TULP4: variants seen among roughly 807,000 people sequenced by gnomAD.
TULP4 encodes TUB like protein 4.
In TULP4, 16 loss-of-function variants were observed where a neutral mutation model predicts 129.0. The ratio of observed to expected loss-of-function variants is 0.12; its 90% CI spans 0.08 to 0.19. The LOEUF (loss-of-function observed/expected upper bound fraction) is 0.19, where lower values mean the gene tolerates loss of function less well. TULP4 is among the 10% of genes least tolerant of loss of function. The pLI, the probability that TULP4 is intolerant of heterozygous loss-of-function variation, is 1.00. For missense variants in TULP4, 1,842 were observed against 2,059.1 expected (o/e 0.89, Z 2.04); for synonymous variants, 998 against 854.0 (o/e 1.17, Z -2.94).
chr6:158,420,596 C>T (rs1286099231), intron 2 of TULP4, among the ~76,000 whole-genome samples: 7 of 152,192 alleles, frequency 4.6e-5, no homozygotes, highest in African/African-American at 1.7e-4. Context: ...ATTCTCCTGT[C>T]TCAGCCTCCA....
At chr6:158,401,918 C>G (rs1215622696) in intron 1 of TULP4, among the ~76,000 whole-genome samples, 1 of 151,866 alleles carries the variant, frequency 6.6e-6, no homozygotes, top group African/African-American at 2.4e-5. Context: ...GAAAATTAAA[C>G]AGTCAAAACC....
chr6:158,399,271 A>G (rs956712197), intron 1 of TULP4, among the ~76,000 whole-genome samples: 2 of 152,234 alleles, frequency 1.3e-5, no homozygotes, highest in African/African-American at 4.8e-5. Flanking sequence ...CAGATGCTGA[A>G]CAGCTAATCC....
At chr6:158,448,371 G>A (rs1228808189) in intron 3 of TULP4, among the ~76,000 whole-genome samples, 2 of 152,164 alleles carry the variant, frequency 1.3e-5, no homozygotes, top group South Asian at 2.1e-4. Context: ...ATAGTGTTTA[G>A]TGCAAAGTAA....
chr6:158,369,637 C>T (rs1309375674), intron 1 of TULP4, among the ~76,000 whole-genome samples: 3 of 152,076 alleles, frequency 2.0e-5, no homozygotes, highest in African/African-American at 4.8e-5. Context: ...TTTTCAAAGG[C>T]GGGAGCTGAA....
intron 1 of TULP4, among the ~76,000 whole-genome samples, chr6:158,264,733 C>G (rs369659799): frequency 1.3e-5 from 2 of 152,160 alleles, no homozygotes; most frequent in African/African-American, 4.8e-5. Flanking sequence ...ACATTGGGAG[C>G]ACCGCATGTG....
At chr6:158,435,756 A>G (rs879327210) in intron 3 of TULP4, among the ~76,000 whole-genome samples, 3 of 151,940 alleles carry the variant, frequency 2.0e-5, no homozygotes, top group Non-Finnish European at 4.4e-5. Context: ...ATAGACGTAG[A>G]CGTTGCTCAA....
chr6:158,365,020 C>G (rs889583896), intron 1 of TULP4, among the ~76,000 whole-genome samples: 1 of 152,054 alleles, frequency 6.6e-6, no homozygotes, highest in Non-Finnish European at 1.5e-5. Flanking sequence ...CAGGCGTGAG[C>G]CACCGCGCCC....
chr6:158,368,658 G>A (rs953461812), intron 1 of TULP4, among the ~76,000 whole-genome samples: 4 of 152,128 alleles, frequency 2.6e-5, no homozygotes, highest in African/African-American at 7.2e-5. Flanking sequence ...CAGAGCCTTC[G>A]TCTTAAAAGA....
At chr6:158,470,247 G>A (rs553488532) in intron 6 of TULP4, among the ~76,000 whole-genome samples, 11 of 152,180 alleles carry the variant, frequency 7.2e-5, no homozygotes, top group Non-Finnish European at 1.5e-4. Flanking sequence ...CTGCGACGGC[G>A]GCAAACAGCA....
At chr6:158,343,661 C>A (rs1201991157) in intron 1 of TULP4, among the ~76,000 whole-genome samples, 1 of 152,150 alleles carries the variant, frequency 6.6e-6, no homozygotes, top group Non-Finnish European at 1.5e-5. Context: ...AGACTTCCAG[C>A]CCCCAGGACT....
At position 158,506,510 on chromosome 6, in the gene TULP4, C is replaced by T. The variant is rs553251191; in HGVS notation, c.4516-68C>T. On this transcript the variant is annotated intron_variant, in intron 13 of 13. Transcript: ENST00000367097. ...CCTCCCAAAGTGCTGGGACTACAGG[C>T]GTGAGCCACTGCGCCTGGCCTTTTC... is the stretch of plus-strand genomic sequence containing the variant. 1.6e-5 allele frequency: 17 copies of T among 1,031,500 alleles called. No individual in the cohort carries two copies. The East Asian group carries it at 2.1e-4, about 13-fold the overall frequency. 63.9% of individuals were successfully genotyped at this position (1,031,500 alleles called of 1,614,324 possible). A position where few individuals can be genotyped will look rare whatever the true frequency, so the allele number is the denominator to read the frequency against.
chr6:158,393,488 G>A (rs939466711), intron 1 of TULP4, among the ~76,000 whole-genome samples: 1 of 152,342 alleles, frequency 6.6e-6, no homozygotes, highest in East Asian at 1.9e-4. Flanking sequence ...CACTCCTGCA[G>A]CAGACTTCTC....
chr6:158,422,961 T>C (rs1374862162), intron 2 of TULP4, among the ~76,000 whole-genome samples: 2 of 152,248 alleles, frequency 1.3e-5, no homozygotes, highest in Non-Finnish European at 2.9e-5. Context: ...TCTAATGGTC[T>C]GCATTTGCAT....
intron 5 of TULP4, among the ~76,000 whole-genome samples, chr6:158,457,262 G>A (rs1258109135): frequency 6.6e-6 from 1 of 152,198 alleles, no homozygotes; most frequent in African/African-American, 2.4e-5. Context: ...TATTGTTTTA[G>A]TGTATCACCA....
chr6:158,348,173 G>GTTTTTTTTTTTTTTTTTTGTT (rs34217788), intron 1 of TULP4, among the ~76,000 whole-genome samples: 1 of 112,170 alleles, frequency 8.9e-6, no homozygotes, highest in Non-Finnish European at 1.7e-5. Flanking sequence ...TTTTTTTAAG[G>GTTTTTTTTTTTTTTTTTTGTT]TTTTTTTTTT....
chr6:158,308,739 C>T (rs1204451680), upstream of TULP4, among the ~76,000 whole-genome samples: 36 of 128,042 alleles, frequency 2.8e-4, no homozygotes, highest in East Asian at 5.1e-4. Flanking sequence ...CTGGACGGGG[C>T]GGCTGGCCGG....
At chr6:158,482,476 A>G (rs896740460) in intron 8 of TULP4, among the ~76,000 whole-genome samples, 1 of 152,236 alleles carries the variant, frequency 6.6e-6, no homozygotes, top group African/African-American at 2.4e-5. Context: ...AAAGAAAGCA[A>G]CTAGCAGAAT....
upstream of TULP4, chr6:158,310,545 T>C (rs1032531371): frequency 6.6e-6 from 1 of 152,162 alleles, no homozygotes; most frequent in Non-Finnish European, 1.5e-5. Flanking sequence ...GGTCTCGAAC[T>C]CCTGGTGCTA....
chr6:158,470,249 C>T (rs1779648815), intron 6 of TULP4, among the ~76,000 whole-genome samples: 6 of 152,198 alleles, frequency 3.9e-5, no homozygotes, highest in Admixed American at 3.9e-4. Context: ...GCGACGGCGG[C>T]AAACAGCAGT....
Sources: allele counts gnomAD v4.1 joint callset (sites outside exome capture counted in the v4.1 genomes callset), GRCh38; gene constraint gnomAD v4.1.1; transcripts MANE v1.5; gene names NCBI Gene and HGNC (gene_info 2026-07-23, HGNC 2026-07-21).